THSD4: variants seen among roughly 807,000 people sequenced by gnomAD.
THSD4 encodes thrombospondin type-1 domain-containing protein 4.
THSD4 carries 69 observed loss-of-function variants against 119.0 expected under a neutral mutation model. The ratio of observed to expected loss-of-function variants is 0.58; its 90% CI spans 0.48 to 0.71. The LOEUF (loss-of-function observed/expected upper bound fraction) is 0.71, where lower values mean the gene tolerates loss of function less well. Ranked by LOEUF, THSD4 falls within the 30% of genes least tolerant of loss-of-function variation. THSD4 has a pLI of 0.00. For missense variants in THSD4, 1,393 were observed against 1,391.1 expected (o/e 1.00, Z -0.02); for synonymous variants, 524 against 540.4 (o/e 0.97, Z 0.42).
At chr15:71,602,282 A>G (rs1412320934) in intron 7 of THSD4, among the ~76,000 whole-genome samples, 1 of 152,160 alleles carries the variant, frequency 6.6e-6, no homozygotes, top group Non-Finnish European at 1.5e-5. Flanking sequence ...GGCCAGGCGC[A>G]GTGGCTCATG....
chr15:71,387,131 C>T (rs1323776993), intron 6 of THSD4, among the ~76,000 whole-genome samples: 3 of 151,734 alleles, frequency 2.0e-5, no homozygotes, highest in Non-Finnish European at 4.4e-5. Context: ...GGACTTGGGC[C>T]GGATGCTTTT....
At chr15:71,477,710 C>A (rs554888508) in intron 7 of THSD4, among the ~76,000 whole-genome samples, 3 of 152,250 alleles carry the variant, frequency 2.0e-5, no homozygotes, top group Non-Finnish European at 4.4e-5. Context: ...CCAGTCTTCA[C>A]CACCAGTGCA....
At chr15:71,164,411 GAAC>G (rs1383194147) in intron 3 of THSD4, among the ~76,000 whole-genome samples, 3 of 143,386 alleles carry the variant, frequency 2.1e-5, no homozygotes, top group East Asian at 2.2e-4. Context: ...TCAGTTAACA[GAAC>G]AACAATTATT....
At chr15:71,314,904 C>T (rs1392317993) in intron 6 of THSD4, among the ~76,000 whole-genome samples, 1 of 152,188 alleles carries the variant, frequency 6.6e-6, no homozygotes, top group African/African-American at 2.4e-5. Context: ...TAAACTTACA[C>T]TGTCAAGTAT....
rs1468215337 is a variant in THSD4, at chr15:71,404,268, G to A, written c.1016-7419G>A. Among the ~76,000 whole-genome samples the A allele has an allele frequency of 4.6e-5, 7 of 152,154 alleles. No homozygotes were observed. In the East Asian group the frequency reaches 1.4e-3, roughly 29 times the overall value. On this transcript the variant is annotated intron_variant, in intron 6 of 17. Coordinates refer to ENST00000261862, the MANE Select transcript of THSD4 (RefSeq NM_024817.3). ...CATTATCCCCTCTCTTCAGGCCCTGGCAACCACTAATTTACTTTCTTTCTC... is the reference window on the plus strand; with the variant it reads ...CATTATCCCCTCTCTTCAGGCCCTGACAACCACTAATTTACTTTCTTTCTC...
chr15:71,104,964 A>G (rs1035169080), intron 1 of THSD4, among the ~76,000 whole-genome samples: 1 of 152,134 alleles, frequency 6.6e-6, no homozygotes, highest in Non-Finnish European at 1.5e-5. Context: ...TATTGTCACA[A>G]GGAGTCTGTT....
rs2045272100 is a variant in THSD4, at chr15:71,321,746, C to T, written c.1015+65031C>T. ...TAATTGCATTCTTAAAATGCTGTAA[C>T]ATCAGACAATTTTTTTAAGTTAAAA... is the stretch of plus-strand genomic sequence containing the variant. On this transcript the variant is annotated intron_variant, in intron 6 of 17. Coordinates refer to ENST00000261862, the MANE Select transcript of THSD4 (RefSeq NM_024817.3). Among the ~76,000 whole-genome samples, 3 of 152,034 alleles carry T rather than the reference C, an allele frequency of 2.0e-5. No homozygotes were observed. In the South Asian group the frequency reaches 6.2e-4, roughly 32 times the overall value.
At chr15:71,159,145 T>G (rs1411862663) in intron 3 of THSD4, among the ~76,000 whole-genome samples, 4 of 152,216 alleles carry the variant, frequency 2.6e-5, no homozygotes, top group African/African-American at 9.6e-5. Flanking sequence ...AATTTATTTC[T>G]GGGCTCTCTA....
chr15:71,423,393 T>C (rs1467947586), intron 7 of THSD4, among the ~76,000 whole-genome samples: 1 of 151,272 alleles, frequency 6.6e-6, no homozygotes. Flanking sequence ...GCCCAAAGGC[T>C]CTTTAGTCAG....
chr15:71,619,803 G>T (rs897413775), intron 7 of THSD4, among the ~76,000 whole-genome samples: 9 of 152,318 alleles, frequency 5.9e-5, no homozygotes, highest in Admixed American at 2.0e-4. Context: ...AGGGAGGTCT[G>T]TCTGACAGTA....
At chr15:71,767,627 G>T (rs555523442) in intron 16 of THSD4, 6 of 152,114 alleles carry the variant, frequency 3.9e-5, no homozygotes, top group Admixed American at 6.5e-5. Context: ...GCTTAAGTCC[G>T]CAATAAAAAG....
In THSD4 at chr15:71,459,424, C is replaced by T. The variant is rs552085542; in HGVS notation, c.1152+47601C>T. ...TCTCTCTGTCTCTCTCTCTCTCTCT[C>T]GTCAACATGCTCCTGAGCTGGTCAC... On this transcript the variant is annotated intron_variant, in intron 7 of 17. Coordinates refer to ENST00000261862, the MANE Select transcript of THSD4 (RefSeq NM_024817.3). Among the ~76,000 whole-genome samples the T allele has an allele frequency of 1.6e-3, 242 of 149,666 alleles. 10 individuals carry two copies. The South Asian group carries it at 0.051, about 32-fold the overall frequency.
At chr15:71,136,652 GACAGC>G (rs927395714) in intron 1 of THSD4, among the ~76,000 whole-genome samples, 1 of 149,424 alleles carries the variant, frequency 6.7e-6, no homozygotes, top group African/African-American at 2.4e-5. Context: ...AGTTCCAGAG[GACAGC>G]GTGTGTAGGA....
intron 7 of THSD4, among the ~76,000 whole-genome samples, chr15:71,412,731 C>T (rs1324174572): frequency 6.6e-6 from 1 of 152,084 alleles, no homozygotes; most frequent in African/African-American, 2.4e-5. Context: ...GTGAGCACAA[C>T]CTACCCCCCC....
intron 7 of THSD4, among the ~76,000 whole-genome samples, chr15:71,628,536 G>A (rs551531897): frequency 2.6e-5 from 4 of 152,252 alleles, no homozygotes; most frequent in South Asian, 4.1e-4. Flanking sequence ...CCTTTGGGAC[G>A]CATACACGAG....
At chr15:71,254,711 C>T (rs760619527) in intron 5 of THSD4, among the ~76,000 whole-genome samples, 22 of 152,298 alleles carry the variant, frequency 1.4e-4, no homozygotes, top group Non-Finnish European at 2.9e-4. Flanking sequence ...TCTTAGTTAA[C>T]TCAAAAGCCT....
chr15:71,680,391 C>A (rs1300311794), intron 8 of THSD4, among the ~76,000 whole-genome samples: 2 of 152,162 alleles, frequency 1.3e-5, no homozygotes, highest in Admixed American at 1.3e-4. Context: ...TTAATTATCC[C>A]TAACAAATCA....
intron 16 of THSD4, among the ~76,000 whole-genome samples, chr15:71,770,361 A>T (rs1263052080): frequency 6.6e-6 from 1 of 151,246 alleles, no homozygotes; most frequent in Non-Finnish European, 1.5e-5. Flanking sequence ...AAAAAAAAAA[A>T]AAAAAAATCT....
intron 7 of THSD4, among the ~76,000 whole-genome samples, chr15:71,638,277 G>A (rs927816235): frequency 2.6e-5 from 4 of 152,072 alleles, no homozygotes; most frequent in African/African-American, 9.7e-5. Context: ...GGATTCTCTG[G>A]GTTATATTTC....
Sources: gnomAD v4.1 joint callset for allele counts (sites outside exome capture counted in the v4.1 genomes callset) on GRCh38, gnomAD v4.1.1 for gene constraint, MANE v1.5 for transcripts, NCBI Gene and HGNC (gene_info 2026-07-23, HGNC 2026-07-21) for gene names.